The following ROBO1 variants were observed in gnomAD, a reference collection of about 807,000 sequenced individuals.
ROBO1 encodes the protein roundabout homolog 1.
ROBO1 carries 149 observed loss-of-function variants against 195.9 expected under a neutral mutation model. The ratio of observed to expected loss-of-function variants is 0.76; its 90% CI spans 0.67 to 0.87. ROBO1 has a LOEUF of 0.87. Ranked by LOEUF, ROBO1 falls within the 40% of genes least tolerant of loss-of-function variation. The pLI, the probability that ROBO1 is intolerant of heterozygous loss-of-function variation, is 0.00. For synonymous variants in ROBO1, 816 were observed against 733.2 expected (o/e 1.11, Z -1.82); for missense variants, 1,933 against 2,068.3 (o/e 0.93, Z 1.27).
At chr3:79,541,421 G>T (rs1942061014) in intron 2 of ROBO1, among the ~76,000 whole-genome samples, 1 of 151,982 alleles carries the variant, frequency 6.6e-6, no homozygotes, top group Admixed American at 6.6e-5. Context: ...CACAGCACAG[G>T]GACAGAAATT....
chr3:78,947,591 C>T (rs1465101567), intron 3 of ROBO1, among the ~76,000 whole-genome samples: 1 of 152,104 alleles, frequency 6.6e-6, no homozygotes, highest in South Asian at 2.1e-4. Context: ...AAAATTGACA[C>T]CCTAACGTCA....
chr3:79,177,928 A>G (rs200909003), intron 2 of ROBO1, among the ~76,000 whole-genome samples: 13 of 152,360 alleles, frequency 8.5e-5, no homozygotes, highest in East Asian at 5.8e-4. Context: ...CAGAATTAAG[A>G]TTCTTTTTGA....
chr3:79,016,745 G>T (rs2077948357), intron 3 of ROBO1, among the ~76,000 whole-genome samples: 1 of 152,050 alleles, frequency 6.6e-6, no homozygotes, highest in Admixed American at 6.5e-5. Context: ...TCAGTAATCT[G>T]CCCCTCCAGT....
chr3:79,754,176 G>C (rs1704264554), intron 1 of ROBO1, among the ~76,000 whole-genome samples: 1 of 152,160 alleles, frequency 6.6e-6, no homozygotes, highest in South Asian at 2.1e-4. Context: ...GAAATCTGAT[G>C]AGCCATGGCC....
At chr3:79,162,727 T>C (rs1368828982) in intron 2 of ROBO1, among the ~76,000 whole-genome samples, 1 of 152,174 alleles carries the variant, frequency 6.6e-6, no homozygotes, top group Non-Finnish European at 1.5e-5. Context: ...TTTTAGTATC[T>C]GTGAAACATT....
chr3:78,905,834 C>A (rs1336285400), intron 4 of ROBO1, among the ~76,000 whole-genome samples: 1 of 151,996 alleles, frequency 6.6e-6, no homozygotes, highest in African/African-American at 2.4e-5. Flanking sequence ...AGAGATGAAG[C>A]CTCAGTGAAG....
chr3:78,779,713 T>C (rs552489199), intron 4 of ROBO1, among the ~76,000 whole-genome samples: 13 of 152,286 alleles, frequency 8.5e-5, no homozygotes, highest in African/African-American at 3.1e-4. Context: ...CTCAAGGATC[T>C]AGAACCAGAA....
Position 78,717,778 on chromosome 3 carries a change from C to T in ROBO1, c.763G>A (p.Glu255Lys), listed in dbSNP as rs868819268. 2.0e-5 allele frequency: 32 copies of T among 1,613,438 alleles called. No individual in the cohort carries two copies. The highest frequency in any genetic ancestry group is 1.1e-4 in the East Asian group (5 of 44,838). ...TTACACTTACCTAAGACAGTCAGCT[C>T]GGCTACTTCACTCTCACGTTCCCCA... ...MVGERESEVA[E>K]LTVLERPSFV... Residue 255 changes from glutamate (E) to lysine (K), a missense_variant, in exon 6 of 31, where the codon GAG (glutamate) becomes AAG (lysine). Physicochemically the swap from Glu to Lys is moderately conservative, Grantham distance 56. This residue lies in a region of ROBO1 where 1,737 missense variants were observed against 1,882.5 expected (regional missense o/e 0.92). Coordinates refer to ENST00000464233, the MANE Select transcript of ROBO1 (RefSeq NM_002941.4).
At chr3:78,842,720 G>GT (rs954560922) in intron 4 of ROBO1, among the ~76,000 whole-genome samples, 23 of 150,166 alleles carry the variant, frequency 1.5e-4, no homozygotes, top group South Asian at 1.5e-3. Flanking sequence ...CTTTTGGTTA[G>GT]TTTTTTTTTA....
intron 28 of ROBO1, 29 bp from the exon 29 acceptor site, chr3:78,607,070 T>C (rs1001413562): frequency 6.3e-7 from 1 of 1,577,734 alleles, no homozygotes; most frequent in African/African-American, 1.4e-5. Context: ...AATACTACTG[T>C]AAAAGTCTGC....
chr3:79,694,976 C>A (rs1576242715), intron 1 of ROBO1, among the ~76,000 whole-genome samples: 1 of 151,410 alleles, frequency 6.6e-6, no homozygotes, highest in African/African-American at 2.4e-5. Context: ...AATATTGATA[C>A]TTTTCTCTGT....
intron 1 of ROBO1, among the ~76,000 whole-genome samples, chr3:79,754,384 C>G (rs1257821595): frequency 2.6e-5 from 4 of 152,142 alleles, no homozygotes; most frequent in Non-Finnish European, 4.4e-5. Flanking sequence ...GTGTCTAGCT[C>G]CCTGCCTTAT....
intron 3 of ROBO1, among the ~76,000 whole-genome samples, chr3:78,997,231 G>T (rs970513788): frequency 3.9e-5 from 6 of 152,084 alleles, no homozygotes; most frequent in African/African-American, 7.2e-5. Flanking sequence ...CACATTTTTG[G>T]TTTTTGGGGG....
chr3:78,608,207 C>T (rs1477213672), intron 28 of ROBO1, among the ~76,000 whole-genome samples: 1 of 152,032 alleles, frequency 6.6e-6, no homozygotes, highest in African/African-American at 2.4e-5. Flanking sequence ...CTCTGTCTCC[C>T]ATCAAGTGAT....
chr3:78,877,192 A>G (rs2035904991), intron 4 of ROBO1, among the ~76,000 whole-genome samples: 1 of 152,218 alleles, frequency 6.6e-6, no homozygotes, highest in African/African-American at 2.4e-5. Context: ...GTAATTTGGG[A>G]CATACATATA....
chr3:79,246,593 G>T (rs566689594), intron 2 of ROBO1, among the ~76,000 whole-genome samples: 1 of 151,954 alleles, frequency 6.6e-6, no homozygotes, highest in Non-Finnish European at 1.5e-5. Context: ...GGTCTGTATC[G>T]TGCAGCTCTG....
chr3:79,333,151 C>T (rs2034520664), intron 2 of ROBO1, among the ~76,000 whole-genome samples: 1 of 150,600 alleles, frequency 6.6e-6, no homozygotes, highest in East Asian at 2.0e-4. Context: ...TCCAGTGAGC[C>T]GAGACGGCGC....
At chr3:79,573,954 A>G (rs936578793) in intron 2 of ROBO1, among the ~76,000 whole-genome samples, 3 of 152,080 alleles carry the variant, frequency 2.0e-5, no homozygotes, top group Non-Finnish European at 4.4e-5. Context: ...ACATGTATAT[A>G]TTACCTACGA....
chr3:79,701,731 A>G (rs529221973), intron 1 of ROBO1, among the ~76,000 whole-genome samples: 195 of 151,854 alleles, frequency 1.3e-3, no homozygotes, highest in African/African-American at 4.4e-3. Context: ...TCTAGCACCA[A>G]GTGAGATGTA....
Sources: gnomAD v4.1 joint callset for allele counts (sites outside exome capture counted in the v4.1 genomes callset) on GRCh38, gnomAD v4.1.1 for gene constraint, gnomAD v4.1.1 regional missense constraint, MANE v1.5 for transcripts, NCBI Gene and HGNC (gene_info 2026-07-23, HGNC 2026-07-21) for gene names.